Variants in AEBP2 observed in about 807,000 individuals in gnomAD.
AEBP2 encodes the protein zinc finger protein AEBP2.
A neutral mutation model predicts 50.8 loss-of-function variants in AEBP2; 10 were observed. The ratio of observed to expected loss-of-function variants is 0.20; its 90% CI spans 0.12 to 0.33. AEBP2 has a LOEUF of 0.33. Among genes scored for constraint, AEBP2 ranks in the 10% least tolerant of loss-of-function variants. The pLI, the probability that AEBP2 is intolerant of heterozygous loss-of-function variation, is 1.00. For missense variants in AEBP2, 570 were observed against 688.0 expected, an observed-to-expected ratio of 0.83 and a Z score of 1.92; for synonymous variants, 296 against 261.3, an observed-to-expected ratio of 1.13 and a Z score of -1.28.
intron 2 of AEBP2, among the ~76,000 whole-genome samples, chr12:19,468,977 T>C (rs1258157443): frequency 1.3e-4 from 20 of 152,118 alleles, no homozygotes; most frequent in Admixed American, 1.3e-3. Flanking sequence ...CAGGCTGGAG[T>C]GTAGTGGCGC....
chr12:19,479,717 G>GTTTCTTTTTTTTTTT (rs1948698002), intron 3 of AEBP2, among the ~76,000 whole-genome samples: 2 of 22,314 alleles, frequency 9.0e-5, no homozygotes, highest in Non-Finnish European at 1.8e-4. Context: ...CTCTTTGTGG[G>GTTTCTTTTTTTTTTT]TTTTTTTTTT....
intron 1 of AEBP2, among the ~76,000 whole-genome samples, chr12:19,413,849 C>T (rs1417360006): frequency 6.6e-6 from 1 of 151,910 alleles, no homozygotes; most frequent in East Asian, 1.9e-4. Context: ...TAGCTGGATT[C>T]CTTACTGCAA....
chr12:19,514,559 C>G, intron 6 of AEBP2, 112 bp from the exon 7 acceptor site: 1 of 700,618 alleles, frequency 1.4e-6, no homozygotes, highest in Non-Finnish European at 2.2e-6. Context: ...GAAACTTGTT[C>G]ACTTAACGTG....
chr12:19,463,944 G>A (rs1948425026), intron 2 of AEBP2, among the ~76,000 whole-genome samples: 1 of 152,110 alleles, frequency 6.6e-6, no homozygotes. Context: ...GGGATTACAG[G>A]CGTGAGTCAC....
At chr12:19,442,944 C>T (rs1229963377) in intron 1 of AEBP2, among the ~76,000 whole-genome samples, 1 of 152,100 alleles carries the variant, frequency 6.6e-6, no homozygotes, top group East Asian at 1.9e-4. Context: ...GAAGGATAAT[C>T]TTAGTTTTAA....
intron 3 of AEBP2, among the ~76,000 whole-genome samples, chr12:19,485,429 C>T (rs1186852910): frequency 3.3e-5 from 5 of 151,916 alleles, no homozygotes; most frequent in Non-Finnish European, 7.4e-5. Context: ...CAGAGTAGGC[C>T]GGGTGTCCTG....
chr12:19,488,753 A>G (rs1948852735), intron 3 of AEBP2, among the ~76,000 whole-genome samples: 1 of 152,090 alleles, frequency 6.6e-6, no homozygotes, highest in South Asian at 2.1e-4. Context: ...CAGTTCAGTA[A>G]TTCTGTGTTT....
At chr12:19,418,367 G>C (rs906703076) in intron 1 of AEBP2, among the ~76,000 whole-genome samples, 1 of 150,990 alleles carries the variant, frequency 6.6e-6, no homozygotes, top group Non-Finnish European at 1.5e-5. Context: ...TGGGACTACA[G>C]GTGCATGCTA....
Position 19,439,624 on chromosome 12 carries a change from G to A in AEBP2, c.-76G>A, listed in dbSNP as rs1018381441. 2.0e-6 allele frequency: 3 copies of A among 1,476,554 alleles called. No individual in the cohort carries two copies. The highest frequency in any genetic ancestry group is 2.7e-6 in the Non-Finnish European group (3 of 1,116,048). 91.5% of individuals were successfully genotyped at this position (1,476,554 alleles called of 1,614,324 possible). On this transcript the variant is annotated 5_prime_UTR_variant, in exon 1 of 8. Coordinates refer to ENST00000266508, the MANE Select transcript of AEBP2 (RefSeq NM_153207.5). Reference sequence around the variant, plus strand: ...TCGGCGGAGTTTTGGGCGTTTGGGAGGGGGGCGAGGGAGAGAGAGTCGAGA... The same window carrying A: ...TCGGCGGAGTTTTGGGCGTTTGGGAAGGGGGCGAGGGAGAGAGAGTCGAGA...
chr12:19,474,873 A>G (rs556464708), intron 3 of AEBP2, among the ~76,000 whole-genome samples: 12 of 151,774 alleles, frequency 7.9e-5, no homozygotes, highest in African/African-American at 2.9e-4. Context: ...GCTCACTGCA[A>G]CCTCCGCCTC....
Position 19,440,181 on chromosome 12 carries a change from C to A in AEBP2, c.482C>A (p.Pro161His), listed in dbSNP as rs776948418. ...GACGGCAAGGAGGGCCTGGAGGAGC[C>A]CAAGGGACCGCGGGGCAGCCAGGGC... is the stretch of plus-strand genomic sequence containing the variant. ...DGDGKEGLEE[P>H]KGPRGSQGGG... Residue 161 changes from proline to histidine, a missense_variant, in exon 1 of 8, where the codon CCC becomes CAC. Pro to His is a moderately conservative substitution (Grantham distance 77, BLOSUM62 -2). This residue lies in a region of AEBP2 where 386 missense variants were observed against 336.8 expected (regional missense o/e 1.15). Transcript: ENST00000266508. 6.8e-6 allele frequency: 10 copies of A among 1,467,428 alleles called. No individual in the cohort carries two copies. In the East Asian group the frequency reaches 2.4e-4, roughly 36 times the overall value. 90.9% of individuals were successfully genotyped at this position (1,467,428 alleles called of 1,614,324 possible).
intron 1 of AEBP2, among the ~76,000 whole-genome samples, chr12:19,420,840 G>A (rs1210435111): frequency 1.3e-5 from 2 of 152,044 alleles, no homozygotes; most frequent in Non-Finnish European, 2.9e-5. Flanking sequence ...CAGATTGTCT[G>A]CAAGCATCTC....
chr12:19,473,006 T>C (rs1355487344), intron 2 of AEBP2, among the ~76,000 whole-genome samples: 1 of 152,168 alleles, frequency 6.6e-6, no homozygotes, highest in Non-Finnish European at 1.5e-5. Context: ...ATATATTTCC[T>C]TCTGAATGGT....
intron 3 of AEBP2, among the ~76,000 whole-genome samples, chr12:19,476,220 A>C (rs192241657): frequency 3.3e-5 from 5 of 152,174 alleles, no homozygotes; most frequent in Non-Finnish European, 5.9e-5. Flanking sequence ...TCTTTGCTCC[A>C]TCTTGAGTTG....
intron 1 of AEBP2, among the ~76,000 whole-genome samples, chr12:19,447,925 A>G (rs1486545757): frequency 6.6e-6 from 1 of 152,240 alleles, no homozygotes; most frequent in African/African-American, 2.4e-5. Flanking sequence ...AGTACTTTAA[A>G]TACAGTTAAA....
chr12:19,509,820 CTTTTTTTTTT>C (rs57103167), intron 5 of AEBP2, among the ~76,000 whole-genome samples: 25 of 68,776 alleles, frequency 3.6e-4, no homozygotes, highest in African/African-American at 1.2e-3. Context: ...TGGCTACTTT[CTTTTTTTTTT>C]TTTTTTTTTT....
chr12:19,464,622 T>C lies in AEBP2; in HGVS notation c.879+1905T>C, dbSNP rs1283342853. On this transcript the variant is annotated intron_variant, in intron 2 of 7. Coordinates refer to ENST00000266508, the MANE Select transcript of AEBP2 (RefSeq NM_153207.5). ...TTTTTTTGAGACAGAGTTTGGTTCT[T>C]GTTGCCCAGGCTGGAGGGTAATGGT... Among the ~76,000 whole-genome samples, 5 of 152,110 alleles carry C rather than the reference T, an allele frequency of 3.3e-5. No homozygotes were observed. In the East Asian group the frequency reaches 9.7e-4, roughly 29 times the overall value.
intron 1 of AEBP2, among the ~76,000 whole-genome samples, chr12:19,423,747 A>C (rs2095747056): frequency 6.6e-6 from 1 of 152,214 alleles, no homozygotes; most frequent in Non-Finnish European, 1.5e-5. Flanking sequence ...AGGCTGAAGC[A>C]GGAGAATTGC....
intron 3 of AEBP2, among the ~76,000 whole-genome samples, chr12:19,483,628 T>C (rs112627701): frequency 4.6e-5 from 7 of 152,304 alleles, no homozygotes; most frequent in African/African-American, 1.7e-4. Context: ...CTCCTCCCGA[T>C]TGTACCTTGC....
Sources: allele counts gnomAD v4.1 joint callset (sites outside exome capture counted in the v4.1 genomes callset), GRCh38; gene constraint gnomAD v4.1.1; regional missense constraint gnomAD v4.1.1; transcripts MANE v1.5; gene names NCBI Gene and HGNC (gene_info 2026-07-23, HGNC 2026-07-21).